APBB2: variants seen among roughly 807,000 people sequenced by gnomAD.
APBB2 encodes the protein amyloid beta precursor protein binding family B member 2, also known as Fe65-like 1.
APBB2 carries 38 observed loss-of-function variants against 82.5 expected under a neutral mutation model. The ratio of observed to expected loss-of-function variants is 0.46; its 90% CI spans 0.36 to 0.60. The LOEUF (loss-of-function observed/expected upper bound fraction) is 0.60. Among genes scored for constraint, APBB2 ranks in the 20% least tolerant of loss-of-function variants. The pLI is 0.00. For missense variants in APBB2, 772 were observed against 972.3 expected, an observed-to-expected ratio of 0.79 and a Z score of 2.74; for synonymous variants, 341 against 368.2, an observed-to-expected ratio of 0.93 and a Z score of 0.85.
chr4:40,920,136 T>A (rs1229819317), intron 10 of APBB2, among the ~76,000 whole-genome samples: 1 of 152,238 alleles, frequency 6.6e-6, no homozygotes, highest in Admixed American at 6.5e-5. Flanking sequence ...GGGAGGGACA[T>A]GGTGGGAGGT....
intron 6 of APBB2, among the ~76,000 whole-genome samples, chr4:40,958,852 C>T (rs950277060): frequency 2.0e-5 from 3 of 152,186 alleles, no homozygotes; most frequent in South Asian, 2.1e-4. Flanking sequence ...GTGATCCTCC[C>T]GCCTCGGCCT....
At chr4:41,180,028 A>G (rs1009124790) in intron 1 of APBB2, among the ~76,000 whole-genome samples, 1 of 152,246 alleles carries the variant, frequency 6.6e-6, no homozygotes, top group South Asian at 2.1e-4. Flanking sequence ...TTAAATTTCA[A>G]TGCTGAATTT....
In APBB2 at chr4:41,014,221, C is replaced by T; in HGVS notation, c.197G>A (p.Cys66Tyr). 1 of 1,614,192 alleles carries T rather than the reference C, an allele frequency of 6.2e-7. No individual in the cohort carries two copies. Among genetic ancestry groups the T allele is most frequent in the Admixed American group, 1.7e-5 (1 of 60,020 alleles). ...GTTAGTTAGTGCATATTTTTTCCTG[C>T]ATTTGGGAGGTGTGCTGTTCTTGGT... ...TETKNSTPPKCRKKYALTNIQ... is the reference protein window; with the variant it reads ...TETKNSTPPKYRKKYALTNIQ... The change falls in exon 6 of 18, where the codon TGC becomes TAC. Residue 66 changes from cysteine (C) to tyrosine (Y), a missense_variant. By Grantham distance (194) the Cys-to-Tyr change is radical. Transcript: ENST00000508593.
chr4:40,813,827 C>T lies in APBB2; in HGVS notation c.*2265G>A, dbSNP rs908811123. Reference sequence around the variant, plus strand: ...CACTAAAATGTTTCACTACAGCGACCGAGATGAAAGATCACTGTAAATGAT... The same window carrying T: ...CACTAAAATGTTTCACTACAGCGACTGAGATGAAAGATCACTGTAAATGAT... On this transcript the variant is annotated 3_prime_UTR_variant, in exon 18 of 18. Coordinates refer to ENST00000508593, the MANE Select transcript of APBB2 (RefSeq NM_004307.2). 1.3e-5 allele frequency: 2 copies of T among 151,958 alleles called. No individual in the cohort carries two copies. The highest frequency in any genetic ancestry group is 1.9e-4 in the East Asian group (1 of 5,190). The allele number at this position is 151,958 out of a possible 1,614,324, so 9.4% of individuals were successfully genotyped here. A position where few individuals can be genotyped will look rare whatever the true frequency, so the allele number is the denominator to read the frequency against.
intron 1 of APBB2, among the ~76,000 whole-genome samples, chr4:41,179,725 C>T (rs991536744): frequency 1.6e-4 from 24 of 152,252 alleles, no homozygotes; most frequent in African/African-American, 5.5e-4. Context: ...AGATAAATCA[C>T]TAAAGACTTT....
rs1388201676 is a variant in APBB2 at position 40,997,038 on chromosome 4, T to G, written c.835+16545A>C. The stretch of plus-strand genomic sequence containing the variant: ...TTACATGACCGCTGCATATGGACAA[T>G]GAGATGCCAGACCCCTCACCCTCAC... On this transcript the variant is annotated intron_variant, in intron 6 of 17. Coordinates refer to ENST00000508593, the MANE Select transcript of APBB2 (RefSeq NM_004307.2). Among the ~76,000 whole-genome samples, 3 of 152,106 alleles carry G rather than the reference T, an allele frequency of 2.0e-5. No individual in the cohort carries two copies. The East Asian group carries it at 5.8e-4, about 29-fold the overall frequency.
rs186634592 is a variant in APBB2 at position 40,956,983 on chromosome 4, A to G, written c.836-11910T>C. Among the ~76,000 whole-genome samples the G allele has an allele frequency of 2.0e-5, 3 of 152,320 alleles. No homozygotes were observed. The East Asian group carries it at 5.8e-4, about 29-fold the overall frequency. On this transcript the variant is annotated intron_variant, in intron 6 of 17. Transcript: ENST00000508593. ...TCAGGAACAGGAGCTCTGTAGCCAC[A>G]CCAACAGCCTGGAATTGAATCTAGC...
chr4:41,171,693 C>T (rs2154054048), intron 1 of APBB2, among the ~76,000 whole-genome samples: 1 of 152,322 alleles, frequency 6.6e-6, no homozygotes, highest in Admixed American at 6.5e-5. Context: ...CGCGGTGGCT[C>T]ATGCCTGTAA....
intron 6 of APBB2, among the ~76,000 whole-genome samples, chr4:41,007,191 G>A (rs112935665): frequency 3.9e-5 from 6 of 151,940 alleles, no homozygotes; most frequent in African/African-American, 1.5e-4. Flanking sequence ...ATCTGGGCAG[G>A]GCTCCCACAG....
intron 5 of APBB2, among the ~76,000 whole-genome samples, chr4:41,032,361 G>T (rs534096442): frequency 6.6e-6 from 1 of 152,170 alleles, no homozygotes; most frequent in South Asian, 2.1e-4. Flanking sequence ...TGAGGCTAGG[G>T]ATTAAATCCC....
At chr4:40,969,894 A>C (rs973403157) in intron 6 of APBB2, among the ~76,000 whole-genome samples, 2 of 152,258 alleles carry the variant, frequency 1.3e-5, no homozygotes, top group South Asian at 4.1e-4. Flanking sequence ...TTTTTCAATC[A>C]ATAAAATTGT....
intron 10 of APBB2, among the ~76,000 whole-genome samples, chr4:40,895,370 G>T (rs1002139924): frequency 2.0e-5 from 3 of 152,232 alleles, no homozygotes; most frequent in African/African-American, 4.8e-5. Context: ...AAGCTACTCA[G>T]GAGTCTGAAT....
chr4:40,881,529 T>TTTTC (rs994240610), intron 12 of APBB2: 43 of 144,956 alleles, frequency 3.0e-4, no homozygotes, highest in Non-Finnish European at 3.7e-4. Context: ...TTTTCTTTTC[T>TTTTC]TTTTCTTTTT....
Position 40,908,616 on chromosome 4 carries a change from G to C in APBB2, c.1255-15205C>G, listed in dbSNP as rs1004671930. ...TACACCCGGCTGGCACCGGAGCCCAGGGAGGCCAGCCCCACTCTAAAGAGG... is the reference window on the plus strand; with the variant it reads ...TACACCCGGCTGGCACCGGAGCCCACGGAGGCCAGCCCCACTCTAAAGAGG... On this transcript the variant is annotated intron_variant, in intron 10 of 17. Transcript: ENST00000508593. Among the ~76,000 whole-genome samples the C allele has an allele frequency of 2.0e-5, 3 of 152,128 alleles. No homozygotes were observed. The East Asian group carries it at 5.8e-4, about 29-fold the overall frequency.
rs781720975 is a variant in APBB2 at position 41,014,204 on chromosome 4, G to C, written c.214C>G (p.Leu72Val). The part of the protein sequence containing the change: ...TPPKCRKKYA[L>V]TNIQAAMGLS... Reference sequence around the variant, plus strand: ...CCCATGGCCGCCTGGATGTTAGTTAGTGCATATTTTTTCCTGCATTTGGGA... The same window carrying C: ...CCCATGGCCGCCTGGATGTTAGTTACTGCATATTTTTTCCTGCATTTGGGA... Residue 72 changes from leucine (L) to valine (V), a missense_variant, in exon 6 of 18, where the codon CTA (leucine) becomes GTA (valine). Physicochemically the swap from Leu to Val is conservative, Grantham distance 32. Coordinates refer to ENST00000508593, the MANE Select transcript of APBB2 (RefSeq NM_004307.2). 3.7e-6 allele frequency: 6 copies of C among 1,614,232 alleles called. No homozygotes were observed. The East Asian group carries it at 1.3e-4, about 36-fold the overall frequency.
At chr4:41,053,150 G>T (rs1239769557) in intron 4 of APBB2, among the ~76,000 whole-genome samples, 1 of 152,060 alleles carries the variant, frequency 6.6e-6, no homozygotes, top group Non-Finnish European at 1.5e-5. Context: ...AGCATTCCAG[G>T]TCTCAAGTTT....
At chr4:40,927,983 T>C (rs368635685) in intron 10 of APBB2, among the ~76,000 whole-genome samples, 10 of 152,188 alleles carry the variant, frequency 6.6e-5, no homozygotes, top group Non-Finnish European at 1.5e-4. Context: ...TGGTCAGCCA[T>C]GTGCCACGGG....
chr4:40,907,348 CATATATATATATAT>C (rs56302731), intron 10 of APBB2, among the ~76,000 whole-genome samples: 4 of 97,332 alleles, frequency 4.1e-5, no homozygotes, highest in Non-Finnish European at 7.7e-5. Context: ...TAATATATTA[CATATATATATATAT>C]ATATATATAT....
intron 17 of APBB2, among the ~76,000 whole-genome samples, chr4:40,817,067 G>T (rs76261158): frequency 4.0e-4 from 61 of 152,126 alleles, no homozygotes; most frequent in Non-Finnish European, 7.8e-4. Context: ...TAGATAAAAA[G>T]TTAAAATTTA....
Sources: gnomAD v4.1 joint callset for allele counts (sites outside exome capture counted in the v4.1 genomes callset) on GRCh38, gnomAD v4.1.1 for gene constraint, MANE v1.5 for transcripts, NCBI Gene and HGNC (gene_info 2026-07-23, HGNC 2026-07-21) for gene names.